The following POLN variants were observed in gnomAD, a reference collection of about 807,000 sequenced individuals.
POLN encodes the protein DNA polymerase nu.
Under a neutral mutation model 113.5 loss-of-function variants are expected in POLN, and 108 were observed. The ratio of observed to expected loss-of-function variants is 0.95; its 90% CI spans 0.81 to 1.12. POLN has a LOEUF of 1.12. POLN is among the 50% of genes most tolerant of loss of function. The pLI, the probability that POLN is intolerant of heterozygous loss-of-function variation, is 0.00. For missense variants in POLN, 1,097 were observed against 1,077.1 expected (o/e 1.02, Z -0.26); for synonymous variants, 386 against 391.5 (o/e 0.99, Z 0.17).
At chr4:2,142,414 C>T (rs752139050) in intron 16 of POLN, among the ~76,000 whole-genome samples, 4 of 152,154 alleles carry the variant, frequency 2.6e-5, no homozygotes, top group Non-Finnish European at 5.9e-5. Flanking sequence ...GTATTTTGTT[C>T]GATTAAAGCT....
intron 23 of POLN, chr4:2,079,165 C>T (rs1730344764): frequency 5.5e-6 from 1 of 181,086 alleles, no homozygotes; most frequent in Admixed American, 6.5e-5. Context: ...CTTCTGAGCT[C>T]AAGTGATCCA....
intron 11 of POLN, 64 bp from the exon 12 acceptor site, chr4:2,171,245 T>C (rs1325664308): frequency 1.3e-6 from 2 of 1,484,768 alleles, no homozygotes; most frequent in African/African-American, 2.8e-5. Flanking sequence ...TTGTTTAATT[T>C]GTTCATCAAA....
At chr4:2,114,083 G>A (rs942408875) in intron 19 of POLN, among the ~76,000 whole-genome samples, 3 of 151,454 alleles carry the variant, frequency 2.0e-5, no homozygotes, top group African/African-American at 7.3e-5. Flanking sequence ...ATTTTTTGTA[G>A]AGATGGTGTT....
intron 16 of POLN, among the ~76,000 whole-genome samples, chr4:2,154,908 T>G (rs1319712091): frequency 6.6e-6 from 1 of 152,224 alleles, no homozygotes; most frequent in East Asian, 1.9e-4. Context: ...TGTTTACATC[T>G]CATCTTTCCA....
intron 16 of POLN, among the ~76,000 whole-genome samples, chr4:2,155,559 G>A (rs966675144): frequency 3.3e-5 from 5 of 152,118 alleles, no homozygotes; most frequent in Admixed American, 3.3e-4. Context: ...GACCCTTAAT[G>A]GAGGGAACCC....
chr4:2,225,673 A>C (rs1386867419), intron 3 of POLN, among the ~76,000 whole-genome samples: 1 of 152,116 alleles, frequency 6.6e-6, no homozygotes, highest in African/African-American at 2.4e-5. Flanking sequence ...GACGCCCCAA[A>C]AATGTTGTGG....
chr4:2,137,934 G>A (rs574939742), intron 16 of POLN, among the ~76,000 whole-genome samples: 2 of 152,210 alleles, frequency 1.3e-5, no homozygotes, highest in Admixed American at 6.5e-5. Context: ...CTCCTCCTGG[G>A]TTCAAATGAT....
At chr4:2,081,771 A>G (rs1229357736) in intron 21 of POLN, 28 bp from the exon 22 acceptor site, 1 of 1,600,386 alleles carries the variant, frequency 6.2e-7, no homozygotes, top group South Asian at 1.1e-5. Context: ...AAAGTAGATG[A>G]GGGACAGAAA....
intron 12 of POLN, 102 bp from the exon 13 acceptor site, chr4:2,170,876 C>A: frequency 9.3e-7 from 1 of 1,080,024 alleles, no homozygotes; most frequent in Non-Finnish European, 1.4e-6. Flanking sequence ...AAGACACACC[C>A]AAACAGACAT....
intron 7 of POLN, among the ~76,000 whole-genome samples, chr4:2,181,714 C>G (rs1172241153): frequency 1.3e-5 from 2 of 152,138 alleles, no homozygotes; most frequent in African/African-American, 4.8e-5. Flanking sequence ...CATGGTGGCT[C>G]ATGCCTGTAA....
At chr4:2,192,167 G>C (rs1362720211) in intron 7 of POLN, among the ~76,000 whole-genome samples, 1 of 151,246 alleles carries the variant, frequency 6.6e-6, no homozygotes, top group Non-Finnish European at 1.5e-5. Flanking sequence ...TTGAAACTGG[G>C]TGATGCCTAC....
intron 16 of POLN, among the ~76,000 whole-genome samples, chr4:2,144,615 C>T (rs1732088054): frequency 6.6e-6 from 1 of 151,998 alleles, no homozygotes; most frequent in African/African-American, 2.4e-5. Flanking sequence ...ATTCCGTTAC[C>T]TAGTGAATAT....
intron 16 of POLN, among the ~76,000 whole-genome samples, chr4:2,138,146 T>C (rs1731906412): frequency 6.6e-6 from 1 of 151,832 alleles, no homozygotes; most frequent in Non-Finnish European, 1.5e-5. Flanking sequence ...CAGGATAGAG[T>C]TTTGACCCAT....
Position 2,127,552 on chromosome 4 carries a change from A to G in POLN, c.1982+561T>C, listed in dbSNP as rs963381800. Among the ~76,000 whole-genome samples the G allele has an allele frequency of 1.4e-4, 21 of 152,274 alleles. No homozygotes were observed. Among genetic ancestry groups the G allele is most frequent in the Admixed American group, 1.2e-3 (18 of 15,292 alleles). On this transcript the variant is annotated intron_variant, in intron 19 of 25. Coordinates refer to ENST00000511885, the MANE Select transcript of POLN (RefSeq NM_181808.4). This position sits in a 1 kb window ranked among gnomAD's most constrained non-coding sequence, Gnocchi z 4.7. ...CTCTCCATCCTGCTTTGGAGACCGG[A>G]GCAGGTATTCCACCAGGAGGAAGAG...
At chr4:2,107,447 G>T (rs934745589) in intron 19 of POLN, among the ~76,000 whole-genome samples, 2 of 152,158 alleles carry the variant, frequency 1.3e-5, no homozygotes, top group African/African-American at 4.8e-5. Flanking sequence ...GTTAGCTTGC[G>T]GCGGGTAAAT....
chr4:2,097,319 G>A (rs1330288774), intron 19 of POLN, among the ~76,000 whole-genome samples: 3 of 152,090 alleles, frequency 2.0e-5, no homozygotes, highest in Non-Finnish European at 4.4e-5. Flanking sequence ...GGGGGTGGGA[G>A]GAGGGCAGAC....
At chr4:2,141,618 G>A (rs1196817555) in intron 16 of POLN, among the ~76,000 whole-genome samples, 2 of 152,214 alleles carry the variant, frequency 1.3e-5, no homozygotes, top group Admixed American at 6.5e-5. Flanking sequence ...CCTGGTGCTG[G>A]CTCTGGCGAC....
At position 2,156,794 on chromosome 4, in the gene POLN, C is replaced by T; in HGVS notation, c.1725G>A (p.Lys575=). 1 of 1,611,966 alleles carries T rather than the reference C, an allele frequency of 6.2e-7. No homozygotes were observed. The highest frequency in any genetic ancestry group is 8.5e-7 in the Non-Finnish European group (1 of 1,177,970). ...AGTTGTTTAAACAACTTACAGGATGCTTGGCTGAAAGTCTTCCAGTCACAG... is the reference window on the plus strand; with the variant it reads ...AGTTGTTTAAACAACTTACAGGATGTTTGGCTGAAAGTCTTCCAGTCACAG... ...TGTVTGRLSA[K]HPNIQGISKH... The change falls in exon 16 of 26, where the codon AAG becomes AAA. Residue 575 remains lysine, a synonymous_variant. Transcript: ENST00000511885.
chr4:2,207,940 C>A, intron 5 of POLN, 47 bp downstream of exon 5: 3 of 1,520,018 alleles, frequency 2.0e-6, no homozygotes, highest in Non-Finnish European at 2.6e-6. Flanking sequence ...AAATGGGCTT[C>A]TTTTATGGTG....
Sources: gnomAD v4.1 joint callset for allele counts (sites outside exome capture counted in the v4.1 genomes callset) on GRCh38, gnomAD v4.1.1 for gene constraint, Gnocchi (gnomAD v3.1) non-coding constraint, MANE v1.5 for transcripts, NCBI Gene and HGNC (gene_info 2026-07-23, HGNC 2026-07-21) for gene names.